RCAN2: variants seen among roughly 807,000 people sequenced by gnomAD.
The protein encoded by RCAN2 is calcipressin-2.
In RCAN2, 9 loss-of-function variants were observed where a neutral mutation model predicts 23.6. The observed-to-expected ratio is 0.38, with a 90% CI of 0.23 to 0.67. The LOEUF (loss-of-function observed/expected upper bound fraction) is 0.67, where lower values mean the gene tolerates loss of function less well. RCAN2 is among the 30% of genes least tolerant of loss of function. The pLI is 0.51. For missense variants in RCAN2, 273 were observed against 302.3 expected (o/e 0.90, Z 0.72); for synonymous variants, 109 against 115.7 (o/e 0.94, Z 0.37).
chr6:46,457,427 A>T (rs1246075524), intron 1 of RCAN2, among the ~76,000 whole-genome samples: 1 of 152,238 alleles, frequency 6.6e-6, no homozygotes, highest in Non-Finnish European at 1.5e-5. Context: ...AAACAGGAAG[A>T]AAGCAATTAA....
rs545478800 is a variant in RCAN2, at chr6:46,361,212, G to A, written c.225+95540C>T. Among the ~76,000 whole-genome samples, 15 of 152,278 alleles carry A rather than the reference G, an allele frequency of 9.9e-5. No homozygotes were observed. In the South Asian group the frequency reaches 3.1e-3, roughly 32 times the overall value. ...AAGTGACATGGAGAACTCTATCCTG[G>A]GGGAAGGGTGAGAGAAAGGAGAGTC... On this transcript the variant is annotated intron_variant, in intron 2 of 4. Coordinates refer to ENST00000371374, the MANE Select transcript of RCAN2 (RefSeq NM_001251974.2).
chr6:46,423,121 T>G (rs188796951), intron 2 of RCAN2, among the ~76,000 whole-genome samples: 38 of 152,284 alleles, frequency 2.5e-4, no homozygotes, highest in African/African-American at 9.1e-4. Context: ...AGCATTAGTA[T>G]TAGACCATCT....
intron 2 of RCAN2, among the ~76,000 whole-genome samples, chr6:46,416,639 C>T (rs1225775019): frequency 2.0e-5 from 3 of 151,700 alleles, no homozygotes; most frequent in Non-Finnish European, 2.9e-5. Context: ...CTCAGCCTTC[C>T]GAGTGGCTAG....
intron 2 of RCAN2, among the ~76,000 whole-genome samples, chr6:46,292,423 G>GTTTTTTTTTTTTTTTTTTTTTTTTTT (rs869232910): frequency 4.6e-5 from 5 of 107,568 alleles, no homozygotes; most frequent in African/African-American, 2.0e-4. Context: ...GAGTTGATTT[G>GTTTTTTTTTTTTTTTTTTTTTTTTTT]TTGTTTTTTT....
At chr6:46,491,473 C>T (rs1769151380), upstream of RCAN2, 1 of 152,226 alleles carries the variant, frequency 6.6e-6, no homozygotes, top group South Asian at 2.1e-4. Flanking sequence ...GCCGGCGGCT[C>T]TCGCAGGAGC....
chr6:46,307,119 T>C (rs1470740519), intron 2 of RCAN2, among the ~76,000 whole-genome samples: 11 of 152,098 alleles, frequency 7.2e-5, no homozygotes, highest in Non-Finnish European at 1.5e-4. Flanking sequence ...TCCCTATCTA[T>C]GGAAACAGAA....
intron 2 of RCAN2, among the ~76,000 whole-genome samples, chr6:46,331,540 T>C (rs1763973748): frequency 6.6e-6 from 1 of 152,188 alleles, no homozygotes; most frequent in South Asian, 2.1e-4. Context: ...CTCTGACAAA[T>C]CTTCAAAGGG....
intron 2 of RCAN2, among the ~76,000 whole-genome samples, chr6:46,257,294 C>T (rs866464448): frequency 5.9e-5 from 9 of 152,154 alleles, no homozygotes; most frequent in African/African-American, 2.2e-4. Flanking sequence ...CAAATCATAA[C>T]TTCTAAAATA....
intron 2 of RCAN2, among the ~76,000 whole-genome samples, chr6:46,305,519 A>C (rs1412713635): frequency 1.3e-5 from 2 of 152,044 alleles, no homozygotes; most frequent in Non-Finnish European, 2.9e-5. Flanking sequence ...ACAGTAGGCT[A>C]AGATGCCACT....
chr6:46,383,728 G>A lies in RCAN2; in HGVS notation c.225+73024C>T, dbSNP rs540488704. ...GCTCAGTTGCCACATGTGGCTACTG[G>A]CCAATCTTACCGGATGGCAAAGATA... On this transcript the variant is annotated intron_variant, in intron 2 of 4. Transcript: ENST00000371374. 9.2e-5 allele frequency among the ~76,000 whole-genome samples: 14 copies of A among 152,252 alleles called. No individual in the cohort carries two copies. The South Asian group carries it at 1.5e-3, about 16-fold the overall frequency.
chr6:46,275,484 T>G (rs1232252348), intron 2 of RCAN2, among the ~76,000 whole-genome samples: 1 of 152,208 alleles, frequency 6.6e-6, no homozygotes, highest in Non-Finnish European at 1.5e-5. Flanking sequence ...CCATCTTCTC[T>G]CAAATAGAGA....
At chr6:46,228,760 A>T (rs1765770013) in intron 4 of RCAN2, among the ~76,000 whole-genome samples, 1 of 152,192 alleles carries the variant, frequency 6.6e-6, no homozygotes, top group South Asian at 2.1e-4. Context: ...TAATTGGAGC[A>T]TTTAGCCCAT....
At chr6:46,287,724 A>T (rs896925807) in intron 2 of RCAN2, among the ~76,000 whole-genome samples, 5 of 152,256 alleles carry the variant, frequency 3.3e-5, no homozygotes, top group Non-Finnish European at 7.3e-5. Flanking sequence ...TCAAAGCCAA[A>T]TTGTGAGGTT....
chr6:46,437,407 A>G (rs1365250796), intron 2 of RCAN2, among the ~76,000 whole-genome samples: 1 of 152,256 alleles, frequency 6.6e-6, no homozygotes, highest in Non-Finnish European at 1.5e-5. Flanking sequence ...CACTTAATTT[A>G]TAAAATACAA....
At chr6:46,467,642 G>A (rs1432530945) in intron 1 of RCAN2, among the ~76,000 whole-genome samples, 2 of 152,218 alleles carry the variant, frequency 1.3e-5, no homozygotes. Context: ...CTTTCTAGCT[G>A]TGTGACCTTG....
chr6:46,296,389 G>T (rs1427921778), intron 2 of RCAN2, among the ~76,000 whole-genome samples: 2 of 151,978 alleles, frequency 1.3e-5, no homozygotes, highest in Non-Finnish European at 2.9e-5. Flanking sequence ...GACATATTTT[G>T]ACATCACATA....
chr6:46,419,497 A>C (rs1035140574), intron 2 of RCAN2, among the ~76,000 whole-genome samples: 1 of 152,236 alleles, frequency 6.6e-6, no homozygotes, highest in African/African-American at 2.4e-5. Context: ...CATCCACGGA[A>C]GGTACATGTT....
At chr6:46,343,208 C>A (rs1222272145) in intron 2 of RCAN2, among the ~76,000 whole-genome samples, 3 of 151,880 alleles carry the variant, frequency 2.0e-5, no homozygotes. Flanking sequence ...TTATGGGAAA[C>A]AATGGTGGCC....
chr6:46,284,643 G>C (rs1230816386), intron 2 of RCAN2, among the ~76,000 whole-genome samples: 2 of 152,158 alleles, frequency 1.3e-5, no homozygotes, highest in Admixed American at 6.5e-5. Flanking sequence ...GCTGAGGGGG[G>C]AGCCTGAGAC....
Sources: gnomAD v4.1 joint callset for allele counts (sites outside exome capture counted in the v4.1 genomes callset) on GRCh38, gnomAD v4.1.1 for gene constraint, MANE v1.5 for transcripts, NCBI Gene and HGNC (gene_info 2026-07-23, HGNC 2026-07-21) for gene names.